The following ALG13 variants were observed in gnomAD, a reference collection of about 807,000 sequenced individuals.
ALG13 encodes ALG13 UDP-N-acetylglucosaminyltransferase subunit, also known as UDP-N-acetylglucosamine transferase subunit ALG13.
ALG13 carries 11 observed loss-of-function variants against 87.8 expected under a neutral mutation model. That is an observed-to-expected ratio of 0.13 (90% CI 0.08 to 0.21). The LOEUF (loss-of-function observed/expected upper bound fraction) is 0.21. ALG13 is among the 10% of genes least tolerant of loss of function. The pLI, the probability that ALG13 is intolerant of heterozygous loss-of-function variation, is 1.00. For missense variants in ALG13, 756 were observed against 866.1 expected (o/e 0.87, Z 1.60); for synonymous variants, 320 against 306.3 (o/e 1.04, Z -0.47).
chrX:111,760,543 C>T lies in ALG13; in HGVS notation c.*544C>T, dbSNP rs1419166476. ...CTCTGCTTTAGATTTATCCCATATGCTATTGTTTAATACTGGATGTATGTA... is the reference window on the plus strand; with the variant it reads ...CTCTGCTTTAGATTTATCCCATATGTTATTGTTTAATACTGGATGTATGTA... On this transcript the variant is annotated 3_prime_UTR_variant, in exon 27 of 27. Coordinates refer to ENST00000394780, the MANE Select transcript of ALG13 (RefSeq NM_001099922.3). 1 of 113,968 alleles carries T rather than the reference C, an allele frequency of 8.8e-6. No individual in the cohort carries two copies. The highest frequency in any genetic ancestry group is 1.8e-5 in the Non-Finnish European group (1 of 54,295). 9.4% of individuals were successfully genotyped at this position (113,968 alleles called of 1,213,427 possible).
rs759719376 is a variant in ALG13 at position 111,730,411 on chromosome X, A to G, written c.2385A>G (p.Glu795=). Residue 795 remains glutamate, a synonymous_variant, in exon 20 of 27, where the codon GAA becomes GAG. Transcript: ENST00000394780. ...TTTCCCCAGGGCGATATCATGAAGA[A>G]TATCTTTATCGTGCAGGTCAGTAAG... ...GQSENGRYHE[E]YLYRAEPDYE... The G allele has an allele frequency of 3.3e-5, 40 of 1,208,258 alleles. No individual in the cohort carries two copies. The highest frequency in any genetic ancestry group is 4.4e-5 in the Admixed American group (2 of 45,751).
At position 111,702,852 on chromosome X, in the gene ALG13, T is replaced by C. The variant is rs1029630671; in HGVS notation, c.384-5175T>C. On this transcript the variant is annotated intron_variant, in intron 3 of 26. Transcript: ENST00000394780. ...CAACATTTTTGAATCTTTTTTTTTT[T>C]CTAAAAACACCTTGTTTTACTCTTT... is the stretch of plus-strand genomic sequence containing the variant. Among the ~76,000 whole-genome samples the C allele has an allele frequency of 5.4e-5, 6 of 111,239 alleles. No individual in the cohort carries two copies. The South Asian group carries it at 1.5e-3, about 28-fold the overall frequency.
chrX:111,698,133 T>C (rs1937223606), intron 3 of ALG13, among the ~76,000 whole-genome samples: 1 of 112,383 alleles, frequency 8.9e-6, no homozygotes, highest in Non-Finnish European at 1.9e-5. Context: ...CCGTATTACT[T>C]TATGTTTTAT....
chrX:111,733,286 C>A (rs1942902034), intron 21 of ALG13, among the ~76,000 whole-genome samples: 1 of 110,798 alleles, frequency 9.0e-6, no homozygotes, highest in African/African-American at 3.3e-5. Context: ...ATCCCTCACC[C>A]CCTTCCCACC....
intron 3 of ALG13, among the ~76,000 whole-genome samples, chrX:111,694,607 G>A (rs1266361442): frequency 3.6e-5 from 4 of 111,972 alleles, no homozygotes; most frequent in African/African-American, 9.7e-5. Flanking sequence ...TTTACTCATG[G>A]TTAAGTGTGC....
intron 17 of ALG13, 31 bp from the exon 18 acceptor site, chrX:111,727,583 T>C: frequency 1.7e-6 from 2 of 1,169,421 alleles, no homozygotes; most frequent in Non-Finnish European, 2.3e-6. Flanking sequence ...ATTTCATCAT[T>C]TTTACTTTTT....
At chrX:111,729,455 A>G (rs1942438228) in intron 19 of ALG13, among the ~76,000 whole-genome samples, 1 of 111,273 alleles carries the variant, frequency 9.0e-6, no homozygotes, top group Non-Finnish European at 1.9e-5. Context: ...TGCAAGAATG[A>G]TCTGTGAAAA....
At chrX:111,691,110 A>C (rs976963369) in intron 3 of ALG13, among the ~76,000 whole-genome samples, 2 of 110,472 alleles carry the variant, frequency 1.8e-5, no homozygotes, top group Admixed American at 1.9e-4. Flanking sequence ...TTATTTATTT[A>C]TTTATTTTGA....
intron 23 of ALG13, among the ~76,000 whole-genome samples, chrX:111,741,973 G>A (rs1250108617): frequency 8.9e-6 from 1 of 112,233 alleles, no homozygotes; most frequent in Non-Finnish European, 1.9e-5. Context: ...TCTAGCAGCT[G>A]TCTGAGCTTA....
At chrX:111,734,520 G>GT (rs1482052846) in intron 21 of ALG13, 1 of 112,466 alleles carries the variant, frequency 8.9e-6, no homozygotes, top group Non-Finnish European at 1.9e-5. Context: ...TGCTGGTAGA[G>GT]TTTTTGCTGC....
intron 23 of ALG13, among the ~76,000 whole-genome samples, chrX:111,742,997 G>T (rs1346411785): frequency 8.9e-6 from 1 of 112,028 alleles, no homozygotes; most frequent in African/African-American, 3.2e-5. Flanking sequence ...ACTTGAAATT[G>T]TAAAAGCTTT....
intron 10 of ALG13, among the ~76,000 whole-genome samples, chrX:111,719,253 C>T (rs188452945): frequency 9.0e-6 from 1 of 110,537 alleles, no homozygotes; most frequent in African/African-American, 3.3e-5. Flanking sequence ...TCTTGGTCTC[C>T]TGACCTCGTG....
intron 13 of ALG13, among the ~76,000 whole-genome samples, chrX:111,723,218 A>G (rs1941601980): frequency 9.3e-6 from 1 of 107,266 alleles, no homozygotes; most frequent in Non-Finnish European, 1.9e-5. Flanking sequence ...CAGTGGCATG[A>G]TCTCTGCTCA....
rs1935585794 is a variant in ALG13 at position 111,688,725 on chromosome X, CAG to C, written c.383+3624_383+3625del. On this transcript the variant is annotated intron_variant, in intron 3 of 26. Transcript: ENST00000394780. ...AGTGGTAATGAAACATTAACTGTAACAGAAATTTACAATTTATGTGCTTATAA... is the reference window on the plus strand; with the variant it reads ...AGTGGTAATGAAACATTAACTGTAACAAATTTACAATTTATGTGCTTATAA... 1.3e-5 allele frequency: 10 copies of C among 743,915 alleles called. No homozygotes were observed. The South Asian group carries it at 6.2e-4, about 46-fold the overall frequency. 61.3% of individuals were successfully genotyped at this position (743,915 alleles called of 1,213,427 possible).
At chrX:111,726,260 G>A (rs1306640872) in intron 15 of ALG13, among the ~76,000 whole-genome samples, 1 of 76,108 alleles carries the variant, frequency 1.3e-5, no homozygotes, top group Non-Finnish European at 2.3e-5. Flanking sequence ...TTTTGAGACA[G>A]TCTCACTCTG....
intron 3 of ALG13, among the ~76,000 whole-genome samples, chrX:111,701,382 C>T (rs941400199): frequency 3.6e-5 from 4 of 111,613 alleles, no homozygotes; most frequent in South Asian, 3.8e-4. Context: ...TCTCCTTCCT[C>T]ATTATTGGTC....
At chrX:111,738,177 C>T (rs1943412963) in intron 23 of ALG13, among the ~76,000 whole-genome samples, 1 of 112,171 alleles carries the variant, frequency 8.9e-6, no homozygotes, top group Non-Finnish European at 1.9e-5. Flanking sequence ...TAGAAAAACT[C>T]ACCTGAGGTG....
rs903489851 is a variant in ALG13 at position 111,727,907 on chromosome X, AAG to A, written c.2247+141_2247+142del. The A allele has an allele frequency of 3.2e-5, 25 of 772,037 alleles. No individual in the cohort carries two copies. In the African/African-American group the frequency reaches 4.5e-4, roughly 14 times the overall value. The allele number at this position is 772,037 out of a possible 1,213,427, so 63.6% of individuals were successfully genotyped here. A position where few individuals can be genotyped will look rare whatever the true frequency, so the allele number is the denominator to read the frequency against. ...CTTTTCTGGAAAATGAAAATGAGAAAAGAGACATTTTCTCCCAGCTGTTCCTA... is the reference window on the plus strand; with the variant it reads ...CTTTTCTGGAAAATGAAAATGAGAAAAGACATTTTCTCCCAGCTGTTCCTA... On this transcript the variant is annotated intron_variant, in intron 18 of 26. Coordinates refer to ENST00000394780, the MANE Select transcript of ALG13 (RefSeq NM_001099922.3).
At chrX:111,714,420 A>G (rs1940263585) in intron 8 of ALG13, 1 of 110,310 alleles carries the variant, frequency 9.1e-6, no homozygotes, top group Non-Finnish European at 1.9e-5. Flanking sequence ...AAAAGAGTCC[A>G]TCAAATATGA....
Sources: gnomAD v4.1 joint callset for allele counts (sites outside exome capture counted in the v4.1 genomes callset) on GRCh38, gnomAD v4.1.1 for gene constraint, MANE v1.5 for transcripts, NCBI Gene and HGNC (gene_info 2026-07-23, HGNC 2026-07-21) for gene names.